Variants in ZPBP observed in about 807,000 individuals in gnomAD.
ZPBP encodes the protein zona pellucida-binding protein 1.
In ZPBP, 26 loss-of-function variants were observed where a neutral mutation model predicts 44.8. The ratio of observed to expected loss-of-function variants is 0.58; its 90% CI spans 0.43 to 0.81. ZPBP has a LOEUF of 0.81. ZPBP is among the 30% of genes least tolerant of loss of function. The pLI is 0.00. For synonymous variants in ZPBP, 174 were observed against 153.2 expected, an observed-to-expected ratio of 1.14 and a Z score of -1.00; for missense variants, 409 against 434.0, an observed-to-expected ratio of 0.94 and a Z score of 0.51.
chr7:50,081,999 G>A (rs904003276), intron 2 of ZPBP, 100 bp from the exon 3 acceptor site: 3 of 1,369,396 alleles, frequency 2.2e-6, no homozygotes, highest in African/African-American at 2.9e-5. Flanking sequence ...AATAATAAGA[G>A]TACTTTGAAT....
chr7:50,088,017 G>A (rs2128856657), intron 2 of ZPBP, among the ~76,000 whole-genome samples: 1 of 152,062 alleles, frequency 6.6e-6, no homozygotes, highest in Non-Finnish European at 1.5e-5. Flanking sequence ...CACACTTAAT[G>A]ATTTCAAAAC....
chr7:50,060,258 C>T (rs1801179140), intron 3 of ZPBP, among the ~76,000 whole-genome samples: 2 of 151,136 alleles, frequency 1.3e-5, no homozygotes, highest in Non-Finnish European at 2.9e-5. Flanking sequence ...TGCCATGGGA[C>T]CTGCTGCAGT....
chr7:49,981,637 T>TAGTATATA (rs1473890717), intron 7 of ZPBP, among the ~76,000 whole-genome samples: 1 of 87,954 alleles, frequency 1.1e-5, no homozygotes, highest in African/African-American at 4.9e-5. Context: ...TTATATTATA[T>TAGTATATA]ATTATATAAT....
chr7:49,903,983 G>A (rs184120740), intron 1 of ZPBP, among the ~76,000 whole-genome samples: 1 of 152,278 alleles, frequency 6.6e-6, no homozygotes, highest in African/African-American at 2.4e-5. Flanking sequence ...CATTTACATA[G>A]CATGGGGGAA....
rs77196325 is a variant in ZPBP at position 50,051,929 on chromosome 7, C to T, written c.487+6060G>A. ...CACATGTTTATGTAACGAGCCTGCA[C>T]ATCCTGCATGTTACCCAATAACTTA... On this transcript the variant is annotated intron_variant, in intron 4 of 7. Coordinates refer to ENST00000046087, the MANE Select transcript of ZPBP (RefSeq NM_007009.3). Among the ~76,000 whole-genome samples, 786 of 152,070 alleles carry T rather than the reference C, an allele frequency of 5.2e-3. 1 individual carries two copies. The highest frequency in any genetic ancestry group is 0.02 in the Middle Eastern group (6 of 294).
At chr7:49,847,826 C>T (rs924890616), downstream of ZPBP, among the ~76,000 whole-genome samples, 1 of 152,106 alleles carries the variant, frequency 6.6e-6, no homozygotes, top group African/African-American at 2.4e-5. Context: ...CAGTGGCTCT[C>T]AGTGTGAAAG....
At chr7:49,858,059 G>T (rs1044152752) in intron 2 of ZPBP, among the ~76,000 whole-genome samples, 4 of 152,148 alleles carry the variant, frequency 2.6e-5, no homozygotes, top group African/African-American at 9.7e-5. Context: ...CTAGATCCCT[G>T]AGGAATCACC....
At chr7:50,065,721 C>T (rs1179310101) in intron 3 of ZPBP, among the ~76,000 whole-genome samples, 1 of 150,812 alleles carries the variant, frequency 6.6e-6, no homozygotes, top group African/African-American at 2.5e-5. Context: ...GCTAGTTGAG[C>T]AAATATCGTT....
chr7:50,040,082 T>C (rs1799997035), intron 4 of ZPBP, among the ~76,000 whole-genome samples: 1 of 151,964 alleles, frequency 6.6e-6, no homozygotes, highest in Non-Finnish European at 1.5e-5. Context: ...AGAACACACA[T>C]GAAGAATATG....
At chr7:49,946,519 T>C (rs1321597106) in intron 7 of ZPBP, among the ~76,000 whole-genome samples, 3 of 152,168 alleles carry the variant, frequency 2.0e-5, no homozygotes, top group Non-Finnish European at 4.4e-5. Context: ...AAATATGTCA[T>C]ACCACTCTCT....
rs775477140 is a variant in ZPBP, at chr7:49,940,282, C to T, written c.962-2660G>A. ...TTAACGACAGTCAAGGAATAAAATTCGGAAAAAAATTGTAGCTATATAATC... is the reference window on the plus strand; with the variant it reads ...TTAACGACAGTCAAGGAATAAAATTTGGAAAAAAATTGTAGCTATATAATC... On this transcript the variant is annotated intron_variant, in intron 7 of 7. Transcript: ENST00000046087. 4.6e-5 allele frequency among the ~76,000 whole-genome samples: 7 copies of T among 151,632 alleles called. No individual in the cohort carries two copies. The East Asian group carries it at 7.7e-4, about 17-fold the overall frequency.
chr7:49,969,814 TATATAGAGAG>T (rs1335256835), intron 7 of ZPBP, among the ~76,000 whole-genome samples: 2 of 117,264 alleles, frequency 1.7e-5, no homozygotes, highest in African/African-American at 3.0e-5. Context: ...TATATATATA[TATATAGAGAG>T]AGAGAGAGAG....
At chr7:49,987,065 G>T (rs1797320832) in intron 6 of ZPBP, among the ~76,000 whole-genome samples, 2 of 152,150 alleles carry the variant, frequency 1.3e-5, no homozygotes, top group Non-Finnish European at 2.9e-5. Context: ...TTTCTGGTTT[G>T]ATATCTGTGT....
chr7:50,037,341 T>G (rs1799870819), intron 4 of ZPBP, among the ~76,000 whole-genome samples: 3 of 152,206 alleles, frequency 2.0e-5, no homozygotes, highest in Admixed American at 2.0e-4. Context: ...CTATCGCATG[T>G]CAGTAAGAAC....
intron 4 of ZPBP, among the ~76,000 whole-genome samples, chr7:50,046,885 A>T (rs553925993): frequency 1.3e-5 from 2 of 152,298 alleles, no homozygotes; most frequent in African/African-American, 4.8e-5. Context: ...GCAAAGACTT[A>T]GAACCAACCC....
At chr7:50,058,592 C>T (rs1340795310) in intron 3 of ZPBP, among the ~76,000 whole-genome samples, 2 of 151,864 alleles carry the variant, frequency 1.3e-5, no homozygotes, top group Non-Finnish European at 2.9e-5. Flanking sequence ...AGAATAAAGG[C>T]TATCAGAATA....
intron 2 of ZPBP, among the ~76,000 whole-genome samples, chr7:49,886,752 G>A (rs144255657): frequency 3.3e-4 from 50 of 152,218 alleles, no homozygotes; most frequent in Non-Finnish European, 6.8e-4. Context: ...TTAATCTTTC[G>A]ATTCAGCCTT....
chr7:49,957,315 C>G (rs1554353851), intron 7 of ZPBP, among the ~76,000 whole-genome samples: 1 of 152,170 alleles, frequency 6.6e-6, no homozygotes, highest in Non-Finnish European at 1.5e-5. Context: ...GGGACTGTTG[C>G]TAAAACAGTC....
chr7:49,978,402 A>G (rs1474342786), intron 7 of ZPBP, among the ~76,000 whole-genome samples: 1 of 152,060 alleles, frequency 6.6e-6, no homozygotes, highest in Non-Finnish European at 1.5e-5. Context: ...TTAATTTAAA[A>G]GTACTAAATA....
Sources: gnomAD v4.1 joint callset for allele counts (sites outside exome capture counted in the v4.1 genomes callset) on GRCh38, gnomAD v4.1.1 for gene constraint, MANE v1.5 for transcripts, NCBI Gene and HGNC (gene_info 2026-07-23, HGNC 2026-07-21) for gene names.